The following CLTCL1 variants were observed in gnomAD, a reference collection of about 807,000 sequenced individuals.
CLTCL1 encodes the protein clathrin heavy chain like 1.
In CLTCL1, 159 loss-of-function variants were observed where a neutral mutation model predicts 190.0. That is an observed-to-expected ratio of 0.84 (90% confidence interval 0.74 to 0.95). The LOEUF is 0.95. Among genes scored for constraint, CLTCL1 ranks in the 40% least tolerant of loss-of-function variants. CLTCL1 has a pLI of 0.00. For missense variants in CLTCL1, 1,878 were observed against 2,033.4 expected (o/e 0.92, Z 1.47); for synonymous variants, 752 against 769.6 (o/e 0.98, Z 0.38).
intron 2 of CLTCL1, among the ~76,000 whole-genome samples, chr22:19,268,545 T>C (rs2087197095): frequency 6.6e-6 from 1 of 152,132 alleles, no homozygotes; most frequent in African/African-American, 2.4e-5. Flanking sequence ...AATATTTAAA[T>C]AGACATTTCT....
chr22:19,204,752 A>T (rs1377183125), intron 22 of CLTCL1, among the ~76,000 whole-genome samples: 1 of 152,262 alleles, frequency 6.6e-6, no homozygotes, highest in Non-Finnish European at 1.5e-5. Context: ...TGCAGTCAGC[A>T]GATGCCAGAC....
At chr22:19,270,163 G>A (rs1555979893) in intron 2 of CLTCL1, among the ~76,000 whole-genome samples, 2 of 152,150 alleles carry the variant, frequency 1.3e-5, no homozygotes, top group African/African-American at 4.8e-5. Context: ...ACTGATACAT[G>A]TTATAACATG....
At chr22:19,211,539 C>T (rs1474356064) in intron 19 of CLTCL1, among the ~76,000 whole-genome samples, 8 of 151,838 alleles carry the variant, frequency 5.3e-5, no homozygotes, top group East Asian at 1.9e-4. Context: ...GAGGCTGAGG[C>T]GGGTGGATCA....
rs28498214 is a variant in CLTCL1 at position 19,206,021 on chromosome 22, G to A, written c.3600+2133C>T. Among the ~76,000 whole-genome samples, 9 of 151,134 alleles carry A rather than the reference G, an allele frequency of 6.0e-5. No homozygotes were observed. In the East Asian group the frequency reaches 1.4e-3, roughly 23 times the overall value. On this transcript the variant is annotated intron_variant, in intron 22 of 32. Coordinates refer to ENST00000427926, the MANE Select transcript of CLTCL1 (RefSeq NM_007098.4). ...AGCTCATTACAGTCTTGACTTCCCAGCCTCCAGTGAGTCTCCCACCTCAGC... is the reference window on the plus strand; with the variant it reads ...AGCTCATTACAGTCTTGACTTCCCAACCTCCAGTGAGTCTCCCACCTCAGC...
chr22:19,224,944 C>T (rs1286344164), intron 13 of CLTCL1, among the ~76,000 whole-genome samples: 1 of 152,168 alleles, frequency 6.6e-6, no homozygotes, highest in Non-Finnish European at 1.5e-5. Flanking sequence ...TCCCAACTGC[C>T]CTAGAACACT....
At chr22:19,219,292 C>T (rs530594922) in intron 18 of CLTCL1, among the ~76,000 whole-genome samples, 7 of 151,098 alleles carry the variant, frequency 4.6e-5, no homozygotes, top group South Asian at 2.1e-4. Context: ...TGGGTTCAAG[C>T]GATTCTCCTG....
chr22:19,191,209 C>A, intron 27 of CLTCL1, 95 bp downstream of exon 27: 1 of 1,476,486 alleles, frequency 6.8e-7, no homozygotes, highest in South Asian at 1.3e-5. Flanking sequence ...AGCTGGGGGT[C>A]ATTTCAAAAA....
At chr22:19,193,758 G>C (rs181432226) in intron 26 of CLTCL1, among the ~76,000 whole-genome samples, 1 of 152,326 alleles carries the variant, frequency 6.6e-6, no homozygotes, top group East Asian at 1.9e-4. Context: ...GTTGTGTCCA[G>C]AGTTTGTTCC....
Position 19,201,483 on chromosome 22 carries a change from C to T in CLTCL1, c.3611G>A (p.Arg1204His), listed in dbSNP as rs782274056. Residue 1204 changes from arginine (R) to histidine (H), a missense_variant, in exon 23 of 33, where the codon CGC becomes CAC. By Grantham distance (29) the Arg-to-His change is conservative. Coordinates refer to ENST00000427926, the MANE Select transcript of CLTCL1 (RefSeq NM_007098.4). ...CTCGTACATTCCCTCCTCGTAACAGCGGTCTCCAACCTACGGATAATAGGG... is the reference window on the plus strand; with the variant it reads ...CTCGTACATTCCCTCCTCGTAACAGTGGTCTCCAACCTACGGATAATAGGG... ...NNAHIQQVGD[R>H]CYEEGMYEAA... 1.2e-5 allele frequency: 20 copies of T among 1,612,412 alleles called. No individual in the cohort carries two copies. In the African/African-American group the frequency reaches 1.5e-4, roughly 12 times the overall value.
At chr22:19,242,734 T>G (rs572283809) in intron 4 of CLTCL1, 41 bp downstream of exon 4, 1 of 1,611,740 alleles carries the variant, frequency 6.2e-7, no homozygotes, top group African/African-American at 1.3e-5. Context: ...CACCAGCTCA[T>G]GACACTTTTC....
chr22:19,254,986 A>G (rs2086702804), intron 2 of CLTCL1, among the ~76,000 whole-genome samples: 1 of 152,226 alleles, frequency 6.6e-6, no homozygotes, highest in African/African-American at 2.4e-5. Context: ...CAAAATTTAG[A>G]CCTAACATAA....
rs570245327 is a variant in CLTCL1, at chr22:19,291,696, C to T, written c.-55G>A. On this transcript the variant is annotated 5_prime_UTR_variant, in exon 1 of 33. Transcript: ENST00000427926. ...GGCAGCGGCAGGAATGAACGCCGAC[C>T]CCTCGCGCGGGCTGACCGGTGGCGA... 187 of 1,320,340 alleles carry T rather than the reference C, an allele frequency of 1.4e-4. No homozygotes were observed. In the African/African-American group the frequency reaches 2.7e-3, roughly 19 times the overall value. The allele number at this position is 1,320,340 out of a possible 1,614,324, so 81.8% of individuals were successfully genotyped here. A position where few individuals can be genotyped will look rare whatever the true frequency, so the allele number is the denominator to read the frequency against.
intron 19 of CLTCL1, 91 bp downstream of exon 19, chr22:19,216,020 G>A (rs972954784): frequency 4.4e-5 from 57 of 1,295,788 alleles, no homozygotes; most frequent in Non-Finnish European, 5.9e-5. Flanking sequence ...GGCTGGATGG[G>A]TGAAGCGGTA....
chr22:19,203,651 C>A (rs552402399), intron 22 of CLTCL1, among the ~76,000 whole-genome samples: 8 of 152,182 alleles, frequency 5.3e-5, no homozygotes, highest in African/African-American at 1.4e-4. Flanking sequence ...CCATCCCCCC[C>A]CAGCCCCACA....
rs1555992289 is a variant in CLTCL1, at chr22:19,289,852, C to T, written c.42+1748G>A. 2.0e-5 allele frequency among the ~76,000 whole-genome samples: 3 copies of T among 152,326 alleles called. No individual in the cohort carries two copies. In the East Asian group the frequency reaches 5.8e-4, roughly 29 times the overall value. On this transcript the variant is annotated intron_variant, in intron 1 of 32. Coordinates refer to ENST00000427926, the MANE Select transcript of CLTCL1 (RefSeq NM_007098.4). Reference sequence around the variant, plus strand: ...TAGGTGAGAAACATCCCAGTTATGGCTTCAGTTTTCTCCAAGTCATCTGCT... The same window carrying T: ...TAGGTGAGAAACATCCCAGTTATGGTTTCAGTTTTCTCCAAGTCATCTGCT...
In CLTCL1 at chr22:19,244,929, T is replaced by C. The variant is rs58456975; in HGVS notation, c.520-1993A>G. ...CACAGGTCCTTCTCTCAAGAACAGA[T>C]GGTAAGAGTTTCCGGCAAGTACACA... On this transcript the variant is annotated intron_variant, in intron 3 of 32. Transcript: ENST00000427926. Among the ~76,000 whole-genome samples the C allele has an allele frequency of 8.8e-3, 1,341 of 152,174 alleles. 15 individuals are homozygous for C. The highest frequency in any genetic ancestry group is 0.031 in the African/African-American group (1,292 of 41,514).
At chr22:19,236,190 T>C (rs1555962087) in intron 5 of CLTCL1, among the ~76,000 whole-genome samples, 3 of 152,224 alleles carry the variant, frequency 2.0e-5, no homozygotes, top group Non-Finnish European at 2.9e-5. Flanking sequence ...TCCTGAGACA[T>C]GGATTCTAAG....
At chr22:19,291,441 G>A (rs1350756945) in intron 1 of CLTCL1, among the ~76,000 whole-genome samples, 159 bp downstream of exon 1, 3 of 152,134 alleles carry the variant, frequency 2.0e-5, no homozygotes, top group Admixed American at 6.5e-5. Flanking sequence ...CGGCCGCCGC[G>A]CCCGGGACGC....
chr22:19,270,428 C>T (rs1237733977), intron 2 of CLTCL1, among the ~76,000 whole-genome samples: 1 of 151,746 alleles, frequency 6.6e-6, no homozygotes, highest in Non-Finnish European at 1.5e-5. Flanking sequence ...TAAAAATCAC[C>T]GAGAAGGAGT....
Sources: gnomAD v4.1 joint callset for allele counts (sites outside exome capture counted in the v4.1 genomes callset) on GRCh38, gnomAD v4.1.1 for gene constraint, MANE v1.5 for transcripts, NCBI Gene and HGNC (gene_info 2026-07-23, HGNC 2026-07-21) for gene names.